Variants in DOCK4 observed in about 807,000 individuals in gnomAD.
DOCK4 encodes dedicator of cytokinesis protein 4.
A neutral mutation model predicts 268.1 loss-of-function variants in DOCK4; 97 were observed. That is an observed-to-expected ratio of 0.36 (90% CI 0.31 to 0.43). DOCK4 has a LOEUF of 0.43. DOCK4 is among the 20% of genes least tolerant of loss of function. The pLI is 1.00. For missense variants in DOCK4, 2,145 were observed against 2,455.7 expected, an observed-to-expected ratio of 0.87 and a Z score of 2.67; for synonymous variants, 954 against 887.2, an observed-to-expected ratio of 1.08 and a Z score of -1.34.
intron 1 of DOCK4, among the ~76,000 whole-genome samples, chr7:112,151,759 T>A (rs1479516047): frequency 8.0e-6 from 1 of 125,262 alleles, no homozygotes; most frequent in Admixed American, 7.8e-5. Flanking sequence ...GAAGTAGAGA[T>A]GTGGAAAAAA....
intron 1 of DOCK4, among the ~76,000 whole-genome samples, chr7:112,187,061 T>C (rs1264622667): frequency 6.6e-6 from 1 of 152,170 alleles, no homozygotes; most frequent in Non-Finnish European, 1.5e-5. Flanking sequence ...AAGCCAAGCA[T>C]GATAGACTAG....
intron 1 of DOCK4, among the ~76,000 whole-genome samples, chr7:112,147,675 C>T (rs1218947392): frequency 3.3e-5 from 5 of 151,850 alleles, no homozygotes; most frequent in Non-Finnish European, 4.4e-5. Flanking sequence ...AAAAATAAGG[C>T]GGTTATCTGA....
At chr7:112,133,832 G>T (rs1405184284) in intron 1 of DOCK4, among the ~76,000 whole-genome samples, 1 of 152,190 alleles carries the variant, frequency 6.6e-6, no homozygotes, top group Non-Finnish European at 1.5e-5. Flanking sequence ...TATACAGGTA[G>T]GTGGTTATTA....
chr7:112,008,249 C>A lies in DOCK4; in HGVS notation c.38-4118G>T, dbSNP rs17159139. On this transcript the variant is annotated intron_variant, in intron 1 of 52. Transcript: ENST00000428084. ...GCTGTGGTGATGTGTTCATCTCTGC[C>A]CATTTGCTACTATGGAAAAATTTAC... Among the ~76,000 whole-genome samples, 293 of 152,146 alleles carry A rather than the reference C, an allele frequency of 1.9e-3. 1 individual carries two copies. Among genetic ancestry groups the A allele is most frequent in the African/African-American group, 6.6e-3 (273 of 41,510 alleles).
At chr7:111,771,180 A>T (rs1585934052) in intron 36 of DOCK4, among the ~76,000 whole-genome samples, 1 of 152,214 alleles carries the variant, frequency 6.6e-6, no homozygotes. Flanking sequence ...GTTGCTCATG[A>T]TCTGGTTCTT....
In DOCK4 at chr7:111,888,633, AG is replaced by A. The variant is rs1808041434; in HGVS notation, c.1587+6978del. Among the ~76,000 whole-genome samples the A allele has an allele frequency of 2.0e-5, 3 of 152,082 alleles. No homozygotes were observed. In the South Asian group the frequency reaches 6.2e-4, roughly 32 times the overall value. On this transcript the variant is annotated intron_variant, in intron 16 of 52. Coordinates refer to ENST00000428084, the MANE Select transcript of DOCK4 (RefSeq NM_001363540.2). The stretch of plus-strand genomic sequence containing the variant: ...GAAGTGGCCAAGAAAACAAGAGGAC[AG>A]GAAGTTGGACAGTCAACCAGAAGGA...
intron 1 of DOCK4, among the ~76,000 whole-genome samples, chr7:112,082,833 T>C (rs1808726175): frequency 6.6e-6 from 1 of 152,174 alleles, no homozygotes; most frequent in South Asian, 2.1e-4. Context: ...CTGAAAAATA[T>C]ATAATTTTTT....
chr7:112,116,131 A>AC (rs1227854015), intron 1 of DOCK4, among the ~76,000 whole-genome samples: 1 of 151,838 alleles, frequency 6.6e-6, no homozygotes, highest in African/African-American at 2.4e-5. Context: ...CCAAATGGAA[A>AC]CCCCATACCC....
At chr7:111,830,482 TAAATA>T (rs1453897342) in intron 26 of DOCK4, among the ~76,000 whole-genome samples, 1 of 152,134 alleles carries the variant, frequency 6.6e-6, no homozygotes, top group Non-Finnish European at 1.5e-5. Flanking sequence ...TTTACTAAAT[TAAATA>T]AATGTCCTCT....
At chr7:112,013,540 T>TC (rs1275964445) in intron 1 of DOCK4, among the ~76,000 whole-genome samples, 4 of 152,168 alleles carry the variant, frequency 2.6e-5, no homozygotes, top group African/African-American at 4.8e-5. Flanking sequence ...CACTCAACAG[T>TC]CCCACTGAAC....
intron 26 of DOCK4, among the ~76,000 whole-genome samples, chr7:111,824,657 A>AG (rs1463939673): frequency 1.3e-5 from 2 of 152,070 alleles, no homozygotes; most frequent in Non-Finnish European, 2.9e-5. Context: ...TGGCTATAGG[A>AG]GGCAAAACAT....
chr7:111,954,413 T>C lies in DOCK4; in HGVS notation c.702-8615A>G, dbSNP rs372027124. Among the ~76,000 whole-genome samples, 59 of 152,254 alleles carry C rather than the reference T, an allele frequency of 3.9e-4. No individual in the cohort carries two copies. In the South Asian group the frequency reaches 0.011, roughly 28 times the overall value. ...CAGAGATGAAGGACATTCGAATAGATGCCCTATGTACAGGGAATGATCAGT... is the reference window on the plus strand; with the variant it reads ...CAGAGATGAAGGACATTCGAATAGACGCCCTATGTACAGGGAATGATCAGT... On this transcript the variant is annotated intron_variant, in intron 8 of 52. Transcript: ENST00000428084.
intron 1 of DOCK4, among the ~76,000 whole-genome samples, chr7:112,127,329 A>T (rs1813321487): frequency 6.8e-6 from 1 of 148,006 alleles, no homozygotes; most frequent in South Asian, 2.1e-4. Flanking sequence ...CAAACACCGC[A>T]TGTTCTCACT....
chr7:112,058,970 A>C (rs1256983495), intron 1 of DOCK4, among the ~76,000 whole-genome samples: 2 of 152,156 alleles, frequency 1.3e-5, no homozygotes, highest in African/African-American at 2.4e-5. Context: ...CTCAACTCTA[A>C]GGACATCTGT....
intron 8 of DOCK4, among the ~76,000 whole-genome samples, chr7:111,963,478 C>G (rs1797114524): frequency 9.8e-6 from 1 of 102,314 alleles, no homozygotes; most frequent in Non-Finnish European, 1.8e-5. Flanking sequence ...CACTCCCACC[C>G]GAATATTGCG....
intron 24 of DOCK4, among the ~76,000 whole-genome samples, chr7:111,845,977 C>T (rs947856790): frequency 9.2e-5 from 14 of 152,150 alleles, no homozygotes; most frequent in Admixed American, 9.2e-4. Flanking sequence ...TCCAGATCAC[C>T]TTTGGGGCCT....
intron 30 of DOCK4, among the ~76,000 whole-genome samples, chr7:111,805,452 T>A (rs1800604203): frequency 6.6e-6 from 1 of 152,210 alleles, no homozygotes; most frequent in Admixed American, 6.5e-5. Flanking sequence ...TATGTAATTT[T>A]AGAATTATAA....
intron 6 of DOCK4, 38 bp from the exon 7 acceptor site, chr7:111,984,428 C>T: frequency 6.4e-7 from 1 of 1,556,818 alleles, no homozygotes; most frequent in Non-Finnish European, 8.8e-7. Context: ...GGAAAAGTTA[C>T]CTCCATGAAA....
intron 25 of DOCK4, among the ~76,000 whole-genome samples, chr7:111,836,521 G>A (rs543370482): frequency 3.1e-4 from 47 of 152,018 alleles, no homozygotes; most frequent in African/African-American, 9.9e-4. Context: ...AAAAAATGAC[G>A]CAAATGAGGA....
Sources: gnomAD v4.1 joint callset for allele counts (sites outside exome capture counted in the v4.1 genomes callset) on GRCh38, gnomAD v4.1.1 for gene constraint, MANE v1.5 for transcripts, NCBI Gene and HGNC (gene_info 2026-07-23, HGNC 2026-07-21) for gene names.